Variants in AK4 observed in about 807,000 individuals in gnomAD.
AK4 encodes the protein adenylate kinase 4, also known as adenylate kinase 4, mitochondrial.
AK4 carries 13 observed loss-of-function variants against 24.6 expected under a neutral mutation model. The observed-to-expected ratio is 0.53, with a 90% CI of 0.34 to 0.84. AK4 has a LOEUF of 0.84. Ranked by LOEUF, AK4 falls within the 40% of genes least tolerant of loss-of-function variation. The pLI, the probability that AK4 is intolerant of heterozygous loss-of-function variation, is 0.01. For missense variants in AK4, 192 were observed against 288.2 expected (o/e 0.67, Z 2.42); for synonymous variants, 88 against 107.0 (o/e 0.82, Z 1.10).
intron 1 of AK4, among the ~76,000 whole-genome samples, chr1:65,188,832 T>C (rs1410880917): frequency 6.6e-6 from 1 of 152,016 alleles, no homozygotes. Flanking sequence ...TGAAATGCAG[T>C]GGCACGATCT....
chr1:65,194,933 G>A (rs1401139074), intron 2 of AK4, among the ~76,000 whole-genome samples: 3 of 152,088 alleles, frequency 2.0e-5, no homozygotes, highest in East Asian at 3.9e-4. Context: ...AGCTATGACC[G>A]CATTTTTAGG....
chr1:65,170,156 C>T, intron 1 of AK4, among the ~76,000 whole-genome samples: 1 of 152,036 alleles, frequency 6.6e-6, no homozygotes, highest in East Asian at 1.9e-4. Context: ...GCGGGCGGAT[C>T]ACGAGGTCAG....
At chr1:65,153,108 G>A (rs1341007045) in intron 1 of AK4, among the ~76,000 whole-genome samples, 2 of 152,136 alleles carry the variant, frequency 1.3e-5, no homozygotes, top group African/African-American at 4.8e-5. Flanking sequence ...CCAGTCCAAA[G>A]GTCCACTCCA....
chr1:65,217,408 T>C (rs924805267), intron 2 of AK4, among the ~76,000 whole-genome samples: 2 of 152,230 alleles, frequency 1.3e-5, no homozygotes, highest in Non-Finnish European at 2.9e-5. Context: ...GATGGGCTGG[T>C]ATCCTTATCT....
rs1652653476 is a variant in AK4 at position 65,231,741 on chromosome 1, G to C, written c.*5564G>C. 6.6e-6 allele frequency: 1 copy of C among 152,186 alleles called. No individual in the cohort carries two copies. The highest frequency in any genetic ancestry group is 2.4e-5 in the African/African-American group (1 of 41,450). The allele number at this position is 152,186 out of a possible 1,614,324, so 9.4% of individuals were successfully genotyped here. Reference sequence around the variant, plus strand: ...TTAAAGGGCTTTTCTAGTTTTATGAGAATTTGTACTACTGATTTTTATATA... The same window carrying C: ...TTAAAGGGCTTTTCTAGTTTTATGACAATTTGTACTACTGATTTTTATATA... On this transcript the variant is annotated 3_prime_UTR_variant, in exon 5 of 5. Transcript: ENST00000327299.
intron 1 of AK4, chr1:65,154,620 G>A (rs911109978): frequency 6.6e-5 from 33 of 496,342 alleles, no homozygotes; most frequent in South Asian, 3.2e-4. Flanking sequence ...GTCAGTACGC[G>A]AACGATATCA....
intron 1 of AK4, among the ~76,000 whole-genome samples, chr1:65,153,201 ATTC>A (rs1649859622): frequency 6.6e-6 from 1 of 152,242 alleles, no homozygotes. Context: ...TGAATAAGGC[ATTC>A]CATGACAGTA....
chr1:65,159,500 TAAAC>T (rs1191934354), intron 1 of AK4, among the ~76,000 whole-genome samples: 2 of 150,976 alleles, frequency 1.3e-5, no homozygotes, highest in East Asian at 2.0e-4. Context: ...CTACAAAAAA[TAAAC>T]AGAGTTAGCC....
In AK4 at chr1:65,229,788, C is replaced by G. The variant is rs1340570898; in HGVS notation, c.*3611C>G. 1 of 152,198 alleles carries G rather than the reference C, an allele frequency of 6.6e-6. No homozygotes were observed. Among genetic ancestry groups the G allele is most frequent in the African/African-American group, 2.4e-5 (1 of 41,424 alleles). 9.4% of individuals were successfully genotyped at this position (152,198 alleles called of 1,614,324 possible). A position where few individuals can be genotyped will look rare whatever the true frequency, so the allele number is the denominator to read the frequency against. On this transcript the variant is annotated 3_prime_UTR_variant, in exon 5 of 5. Transcript: ENST00000327299. ...GATTGTGCCCCGAAGTGGCCTTTAC[C>G]CTTGAGCCGTCCCCAGCCATGGTGC...
At chr1:65,218,501 A>C (rs139039714) in intron 2 of AK4, among the ~76,000 whole-genome samples, 74 of 152,324 alleles carry the variant, frequency 4.9e-4, no homozygotes, top group Admixed American at 7.8e-4. Flanking sequence ...ATGGAGGTAG[A>C]TATTCTTGGT....
intron 1 of AK4, among the ~76,000 whole-genome samples, chr1:65,179,998 T>C (rs963359173): frequency 1.3e-5 from 2 of 152,192 alleles, no homozygotes; most frequent in African/African-American, 4.8e-5. Context: ...CTAAGTGATA[T>C]TATTCCCATT....
At chr1:65,189,650 C>T (rs571658270) in intron 1 of AK4, among the ~76,000 whole-genome samples, 4 of 135,684 alleles carry the variant, frequency 2.9e-5, no homozygotes, top group Admixed American at 8.0e-5. Context: ...AAAACACATA[C>T]GCGTGCACAC....
intron 1 of AK4, among the ~76,000 whole-genome samples, chr1:65,187,304 C>T (rs1436061962): frequency 1.4e-5 from 2 of 145,456 alleles, no homozygotes; most frequent in Admixed American, 7.0e-5. Flanking sequence ...GCCGAGATCG[C>T]GCCACTGCAC....
chr1:65,226,114 G>T lies in AK4; in HGVS notation c.609G>T (p.Trp203Cys), dbSNP rs1266532151. ...QFSGTETNKI[W>C]PYVYTLFSNK... Reference sequence around the variant, plus strand: ...CCGGAACGGAGACGAACAAAATCTGGCCCTACGTTTACACACTTTTCTCAA... The same window carrying T: ...CCGGAACGGAGACGAACAAAATCTGTCCCTACGTTTACACACTTTTCTCAA... Residue 203 changes from tryptophan (W) to cysteine (C), a missense_variant, in exon 5 of 5, where the codon TGG becomes TGT. Physicochemically the swap from Trp to Cys is radical, Grantham distance 215. Coordinates refer to ENST00000327299, the MANE Select transcript of AK4 (RefSeq NM_013410.4). 6.2e-7 allele frequency: 1 copy of T among 1,611,350 alleles called. No individual in the cohort carries two copies. The highest frequency in any genetic ancestry group is 8.5e-7 in the Non-Finnish European group (1 of 1,179,722).
intron 2 of AK4, among the ~76,000 whole-genome samples, chr1:65,200,741 A>C (rs1340055660): frequency 6.6e-6 from 1 of 151,960 alleles, no homozygotes; most frequent in Non-Finnish European, 1.5e-5. Flanking sequence ...AGCAACAAAG[A>C]GACTAGGTGG....
intron 1 of AK4, among the ~76,000 whole-genome samples, chr1:65,155,154 T>C (rs529890077): frequency 2.6e-5 from 4 of 151,436 alleles, no homozygotes; most frequent in East Asian, 3.9e-4. Flanking sequence ...CCGGCCGACA[T>C]AGGGAGCGTT....
rs1211850729 is a variant in AK4 at position 65,148,524 on chromosome 1, C to A, written c.117C>A (p.Phe39Leu). Residue 39 changes from phenylalanine to leucine, a missense_variant, in exon 1 of 5, where the codon TTC becomes TTA. Coordinates refer to ENST00000327299, the MANE Select transcript of AK4 (RefSeq NM_013410.4). ...TCCAGCATCTCTCCAGCGGCCACTT[C>A]TTGCGGGAGAACATCAAGGCCAGCA... is the stretch of plus-strand genomic sequence containing the variant. Reference protein sequence around the residue: ...FGLQHLSSGHFLRENIKASTE... With the variant: ...FGLQHLSSGHLLRENIKASTE... 1 of 1,600,218 alleles carries A rather than the reference C, an allele frequency of 6.2e-7. No homozygotes were observed.
At chr1:65,190,879 G>A (rs1651284431) in intron 2 of AK4, 50 bp downstream of exon 2, 7 of 1,593,530 alleles carry the variant, frequency 4.4e-6, no homozygotes, top group South Asian at 2.3e-5. Flanking sequence ...GTCAGTTAAG[G>A]TCTTGCACAC....
rs1649800790 is a variant in AK4, at chr1:65,152,325, TC to T, written c.145+3774del. ...TGTTTCTGCACTTGCTATCTCTCTC[TC>T]TCTCTCTCTCTCTCTCTCTCTCTCT... On this transcript the variant is annotated intron_variant, in intron 1 of 4. Coordinates refer to ENST00000327299, the MANE Select transcript of AK4 (RefSeq NM_013410.4). Among the ~76,000 whole-genome samples the T allele has an allele frequency of 1.9e-4, 5 of 26,856 alleles. No homozygotes were observed. In the East Asian group the frequency reaches 4.6e-3, roughly 25 times the overall value. 17.6% of individuals were successfully genotyped at this position (26,856 alleles called of 152,430 possible).
Sources: gnomAD v4.1 joint callset for allele counts (sites outside exome capture counted in the v4.1 genomes callset) on GRCh38, gnomAD v4.1.1 for gene constraint, MANE v1.5 for transcripts, NCBI Gene and HGNC (gene_info 2026-07-23, HGNC 2026-07-21) for gene names.